Variants in NCKAP5 observed in about 807,000 individuals in gnomAD.
NCKAP5 encodes the protein nck-associated protein 5.
In NCKAP5, 92 loss-of-function variants were observed where a neutral mutation model predicts 167.0. The observed-to-expected ratio is 0.55, with a 90% CI of 0.47 to 0.66. NCKAP5 has a LOEUF of 0.66. Ranked by LOEUF, NCKAP5 falls within the 30% of genes least tolerant of loss-of-function variation. The probability of loss-of-function intolerance (pLI) is 0.00; values close to 1 mark genes in which losing one functional copy is unlikely to be tolerated. For missense variants in NCKAP5, 2,378 were observed against 2,315.0 expected (o/e 1.03, Z -0.56); for synonymous variants, 891 against 877.4 (o/e 1.02, Z -0.27).
chr2:133,111,970 G>A lies in NCKAP5; in HGVS notation c.341+18008C>T, dbSNP rs537534971. 2.0e-4 allele frequency among the ~76,000 whole-genome samples: 31 copies of A among 152,238 alleles called. No homozygotes were observed. The South Asian group carries it at 6.2e-3, about 31-fold the overall frequency. ...CTGCCAATAGATACTAAGATTCCAG[G>A]TAAATTAAAAGAATACATGAGAGGT... On this transcript the variant is annotated intron_variant, in intron 6 of 19. Coordinates refer to ENST00000409261, the MANE Select transcript of NCKAP5 (RefSeq NM_207363.3).
At chr2:132,694,554 C>A (rs1687129385) in intron 19 of NCKAP5, among the ~76,000 whole-genome samples, 1 of 152,134 alleles carries the variant, frequency 6.6e-6, no homozygotes. Flanking sequence ...TGGAATTAGG[C>A]CCAGGATTCG....
At chr2:133,240,806 G>T (rs1234801135) in intron 4 of NCKAP5, among the ~76,000 whole-genome samples, 1 of 152,108 alleles carries the variant, frequency 6.6e-6, no homozygotes, top group Non-Finnish European at 1.5e-5. Context: ...TCCTAATAAT[G>T]TGATTTACAA....
intron 6 of NCKAP5, among the ~76,000 whole-genome samples, chr2:133,103,726 A>G (rs902811773): frequency 5.3e-5 from 8 of 152,156 alleles, no homozygotes; most frequent in African/African-American, 1.9e-4. Flanking sequence ...GCTGCGGTGA[A>G]CTATGATTAC....
chr2:132,770,769 C>A (rs1053326919), intron 16 of NCKAP5, among the ~76,000 whole-genome samples: 3 of 152,224 alleles, frequency 2.0e-5, no homozygotes, highest in South Asian at 4.1e-4. Context: ...CAGTCATGTA[C>A]AACAAAATGA....
intron 15 of NCKAP5, among the ~76,000 whole-genome samples, chr2:132,778,841 T>C (rs1488625150): frequency 6.6e-6 from 1 of 152,206 alleles, no homozygotes; most frequent in African/African-American, 2.4e-5. Flanking sequence ...TAACATATAA[T>C]AAATGAGTTT....
intron 4 of NCKAP5, among the ~76,000 whole-genome samples, chr2:133,239,669 T>G (rs2087589051): frequency 6.6e-6 from 1 of 152,236 alleles, no homozygotes; most frequent in Admixed American, 6.5e-5. Context: ...CTTTTATTTA[T>G]ACTCTGTTTA....
At chr2:133,227,529 A>T (rs1051108422) in intron 4 of NCKAP5, among the ~76,000 whole-genome samples, 1 of 152,202 alleles carries the variant, frequency 6.6e-6, no homozygotes, top group African/African-American at 2.4e-5. Flanking sequence ...TGGTCTGCCC[A>T]TAACCAAGCC....
At chr2:132,760,055 T>A (rs187456747) in intron 16 of NCKAP5, among the ~76,000 whole-genome samples, 1 of 152,252 alleles carries the variant, frequency 6.6e-6, no homozygotes, top group East Asian at 1.9e-4. Context: ...TCATTTTCCT[T>A]AACAATATAA....
At chr2:133,016,272 G>A (rs545785979) in intron 6 of NCKAP5, among the ~76,000 whole-genome samples, 1 of 152,310 alleles carries the variant, frequency 6.6e-6, no homozygotes. Flanking sequence ...TGGTGTGTGA[G>A]AGCACATGAA....
chr2:133,622,238 C>T, the NCKAP5 span, among the ~76,000 whole-genome samples: 1 of 151,916 alleles, frequency 6.6e-6, no homozygotes, highest in Non-Finnish European at 1.5e-5. Context: ...ACAAGGATGC[C>T]CACTTTCACC....
At chr2:132,874,671 G>A (rs1350777532) in intron 9 of NCKAP5, among the ~76,000 whole-genome samples, 1 of 152,106 alleles carries the variant, frequency 6.6e-6, no homozygotes, top group Non-Finnish European at 1.5e-5. Context: ...CGTCGTCACT[G>A]ACTGTAAGGG....
intron 3 of NCKAP5, among the ~76,000 whole-genome samples, chr2:133,332,681 A>T (rs1414803831): frequency 1.3e-5 from 2 of 152,320 alleles, no homozygotes; most frequent in East Asian, 3.9e-4. Flanking sequence ...AAACAAATTT[A>T]TATTCACCCT....
chr2:132,692,521 C>T (rs1439639524), intron 19 of NCKAP5, among the ~76,000 whole-genome samples: 1 of 151,860 alleles, frequency 6.6e-6, no homozygotes, highest in African/African-American at 2.4e-5. Context: ...AGGCAGGGAC[C>T]TTGTCTTTTT....
intron 5 of NCKAP5, among the ~76,000 whole-genome samples, chr2:133,181,603 C>CAAAAAAAAAAAAAAA (rs34264277): frequency 6.5e-4 from 46 of 71,148 alleles, no homozygotes; most frequent in African/African-American, 1.4e-3. Flanking sequence ...CCCATCTCTA[C>CAAAAAAAAAAAAAAA]AAAAAAAAAA....
chr2:132,943,341 A>G (rs978781796), intron 8 of NCKAP5, among the ~76,000 whole-genome samples: 3 of 152,278 alleles, frequency 2.0e-5, no homozygotes, highest in African/African-American at 7.2e-5. Flanking sequence ...CAATTTGAAT[A>G]TAGTCCATTT....
chr2:132,907,760 C>T (rs1694116221), intron 8 of NCKAP5, among the ~76,000 whole-genome samples: 1 of 152,054 alleles, frequency 6.6e-6, no homozygotes, highest in South Asian at 2.1e-4. Context: ...CGGGTTCACG[C>T]CATTCTCCTG....
At chr2:132,865,009 C>T (rs1031969338) in intron 10 of NCKAP5, among the ~76,000 whole-genome samples, 8 of 152,138 alleles carry the variant, frequency 5.3e-5, no homozygotes, top group African/African-American at 1.9e-4. Context: ...TCGAGTGCTG[C>T]TTTGTTCCCT....
chr2:133,386,042 T>C (rs890423743), intron 3 of NCKAP5, among the ~76,000 whole-genome samples: 19 of 152,338 alleles, frequency 1.2e-4, no homozygotes, highest in African/African-American at 4.3e-4. Flanking sequence ...TGTGTCTCTA[T>C]TTCCTTCAGT....
intron 19 of NCKAP5, among the ~76,000 whole-genome samples, chr2:132,698,760 G>A (rs1456346443): frequency 1.3e-5 from 2 of 152,096 alleles, no homozygotes; most frequent in Non-Finnish European, 2.9e-5. Context: ...CTTGAACCCG[G>A]GAGGCAAGGG....
Sources: gnomAD v4.1 joint callset for allele counts (sites outside exome capture counted in the v4.1 genomes callset) on GRCh38, gnomAD v4.1.1 for gene constraint, MANE v1.5 for transcripts, NCBI Gene and HGNC (gene_info 2026-07-23, HGNC 2026-07-21) for gene names.